Variants in WDR25 observed in about 807,000 individuals in gnomAD.
WDR25 encodes WD repeat-containing protein 25.
A neutral mutation model predicts 47.7 loss-of-function variants in WDR25; 35 were observed. That is an observed-to-expected ratio of 0.73 (90% confidence interval 0.56 to 0.97). The LOEUF is 0.97. Among genes scored for constraint, WDR25 ranks in the 50% least tolerant of loss-of-function variants. The pLI is 0.00. For synonymous variants in WDR25, 248 were observed against 278.9 expected, an observed-to-expected ratio of 0.89 and a Z score of 1.10; for missense variants, 634 against 704.7, an observed-to-expected ratio of 0.90 and a Z score of 1.14.
intron 3 of WDR25, among the ~76,000 whole-genome samples, chr14:100,471,135 G>T (rs1226850055): frequency 2.0e-5 from 3 of 152,144 alleles, no homozygotes; most frequent in African/African-American, 4.8e-5. Context: ...CACAGACAGG[G>T]TCTCTGCTGC....
At chr14:100,420,825 G>T (rs1255892027) in intron 2 of WDR25, among the ~76,000 whole-genome samples, 1 of 152,166 alleles carries the variant, frequency 6.6e-6, no homozygotes, top group Non-Finnish European at 1.5e-5. Context: ...GGGAACAGGA[G>T]ACTTGAGAGA....
chr14:100,398,221 A>G (rs993649669), intron 2 of WDR25, among the ~76,000 whole-genome samples: 5 of 152,334 alleles, frequency 3.3e-5, no homozygotes, highest in South Asian at 4.1e-4. Flanking sequence ...TCCGCCTGAC[A>G]GAGCCTTGCT....
chr14:100,468,216 C>A lies in WDR25; in HGVS notation c.970+48C>A. On this transcript the variant is annotated intron_variant, in intron 3 of 6. Transcript: ENST00000402312. This position sits in a 1 kb window ranked among gnomAD's most constrained non-coding sequence, Gnocchi z 4.5. The stretch of plus-strand genomic sequence containing the variant: ...CTGAGGTGAGCTGGCAGCTCTCTCC[C>A]TGGGGAAGGTTCTCTGGTGGGCACG... The A allele has an allele frequency of 6.3e-7, 1 of 1,583,336 alleles. No homozygotes were observed. The highest frequency in any genetic ancestry group is 8.6e-7 in the Non-Finnish European group (1 of 1,164,356).
chr14:100,441,500 A>C lies in WDR25; in HGVS notation c.823-26521A>C, dbSNP rs530762483. Among the ~76,000 whole-genome samples, 35 of 152,242 alleles carry C rather than the reference A, an allele frequency of 2.3e-4. No homozygotes were observed. In the South Asian group the frequency reaches 6.9e-3, roughly 30 times the overall value. On this transcript the variant is annotated intron_variant, in intron 2 of 6. Coordinates refer to ENST00000402312, the MANE Select transcript of WDR25 (RefSeq NM_001161476.3). The stretch of plus-strand genomic sequence containing the variant: ...GCAGATGCTGGAAGTGGCAGTGCCC[A>C]GAGTGTGTGGGTCTTGGAGTGCCAG...
chr14:100,516,076 T>C (rs1448636808), intron 4 of WDR25, among the ~76,000 whole-genome samples: 2 of 152,162 alleles, frequency 1.3e-5, no homozygotes, highest in African/African-American at 2.4e-5. Context: ...ACATTGTGAA[T>C]TTTACTTTTT....
chr14:100,389,651 A>C lies in WDR25; in HGVS notation c.822+7905A>C, dbSNP rs141637233. Among the ~76,000 whole-genome samples the C allele has an allele frequency of 1.0e-3, 154 of 152,290 alleles. 1 individual carries two copies. Among genetic ancestry groups the C allele is most frequent in the African/African-American group, 3.6e-3 (148 of 41,586 alleles). On this transcript the variant is annotated intron_variant, in intron 2 of 6. Coordinates refer to ENST00000402312, the MANE Select transcript of WDR25 (RefSeq NM_001161476.3). The stretch of plus-strand genomic sequence containing the variant: ...GCCTCCCCTCTGGCAGGCTTCCTGA[A>C]GTTTCCTGAACTTGGCAGAGGACAG...
chr14:100,431,427 T>A (rs573710640), intron 2 of WDR25, among the ~76,000 whole-genome samples: 1 of 152,360 alleles, frequency 6.6e-6, no homozygotes, highest in African/African-American at 2.4e-5. Context: ...AGCCTCCTTC[T>A]TTATATATTC....
chr14:100,524,214 T>C (rs1453622812), intron 4 of WDR25, among the ~76,000 whole-genome samples: 4 of 152,082 alleles, frequency 2.6e-5, no homozygotes, highest in African/African-American at 9.7e-5. Flanking sequence ...TCTTGGCTCC[T>C]GGGCAAGTTG....
At chr14:100,378,330 C>T (rs1412891645) in intron 1 of WDR25, among the ~76,000 whole-genome samples, 1 of 152,048 alleles carries the variant, frequency 6.6e-6, no homozygotes, top group Non-Finnish European at 1.5e-5. Context: ...CCACCACGCC[C>T]GGCTAATTTT....
rs1898315596 is a variant in WDR25, at chr14:100,430,972, A to G, written c.823-37049A>G. 6.6e-6 allele frequency among the ~76,000 whole-genome samples: 1 copy of G among 152,136 alleles called. No homozygotes were observed. On this transcript the variant is annotated intron_variant, in intron 2 of 6. Transcript: ENST00000402312. The surrounding 1 kb of genome is among the most constrained non-coding windows in gnomAD (Gnocchi z 4.7). ...CCTTCTGGCCTCATCGTTGGCTTCT[A>G]TGTGGCCGGCCTTCAGTAGGTGTTT...
intron 2 of WDR25, among the ~76,000 whole-genome samples, chr14:100,413,848 A>G (rs557922409): frequency 6.6e-6 from 1 of 152,352 alleles, no homozygotes; most frequent in South Asian, 2.1e-4. Flanking sequence ...CACTTAACAG[A>G]ATGTTTTTGA....
At chr14:100,444,633 G>T (rs1898774412) in intron 2 of WDR25, among the ~76,000 whole-genome samples, 1 of 152,202 alleles carries the variant, frequency 6.6e-6, no homozygotes, top group Non-Finnish European at 1.5e-5. Flanking sequence ...CAGAAGTTCT[G>T]GGTTGGGCCT....
rs1309056163 is a variant in WDR25, at chr14:100,469,422, G to C, written c.970+1254G>C. On this transcript the variant is annotated intron_variant, in intron 3 of 6. Transcript: ENST00000402312. ...CTAATCCTCACTGCAGCTGCCAGCA[G>C]TGATTATTTCCATTTTAAAGGAGAG... Among the ~76,000 whole-genome samples, 6 of 152,194 alleles carry C rather than the reference G, an allele frequency of 3.9e-5. No homozygotes were observed. In the East Asian group the frequency reaches 9.6e-4, roughly 24 times the overall value.
At chr14:100,503,299 C>A (rs896645934) in intron 4 of WDR25, among the ~76,000 whole-genome samples, 1 of 152,028 alleles carries the variant, frequency 6.6e-6, no homozygotes, top group African/African-American at 2.4e-5. Flanking sequence ...ATCAGTTACA[C>A]CTGAATATAA....
In WDR25 at chr14:100,529,976, C is replaced by T. The variant is rs1235335697; in HGVS notation, c.1570C>T (p.His524Tyr). 1.2e-6 allele frequency: 2 copies of T among 1,613,358 alleles called. No homozygotes were observed. The highest frequency in any genetic ancestry group is 1.7e-6 in the Non-Finnish European group (2 of 1,180,004). Reference sequence around the variant, plus strand: ...ACAGGCCTGTGTCGGCACCACCTATCACCCCGTGCTGCCCTCCGTCCTCGC... The same window carrying T: ...ACAGGCCTGTGTCGGCACCACCTATTACCCCGTGCTGCCCTCCGTCCTCGC... ...HTQACVGTTY[H>Y]PVLPSVLATC... Residue 524 changes from histidine to tyrosine, a missense_variant, in exon 7 of 7, where the codon CAC (histidine) becomes TAC (tyrosine). Physicochemically the swap from His to Tyr is moderately conservative, Grantham distance 83. Transcript: ENST00000402312. This position sits in a 1 kb window ranked among gnomAD's most constrained non-coding sequence, Gnocchi z 5.1.
chr14:100,513,393 C>T (rs1465837274), intron 4 of WDR25, among the ~76,000 whole-genome samples: 1 of 152,208 alleles, frequency 6.6e-6, no homozygotes, highest in Non-Finnish European at 1.5e-5. Flanking sequence ...GGTGCAAGCC[C>T]TCACCAGACA....
chr14:100,379,414 G>T (rs1475089408), intron 1 of WDR25, among the ~76,000 whole-genome samples: 4 of 141,820 alleles, frequency 2.8e-5, no homozygotes, highest in Non-Finnish European at 4.5e-5. Flanking sequence ...TTGAGATGGA[G>T]TCTTGCTCTG....
At position 100,438,191 on chromosome 14, in the gene WDR25, G is replaced by A. The variant is rs1465371072; in HGVS notation, c.823-29830G>A. The stretch of plus-strand genomic sequence containing the variant: ...GTGTAATTTGGAGAAGATTTGCAAA[G>A]ACAGGCACGTAGTGAAATAATTTGA... On this transcript the variant is annotated intron_variant, in intron 2 of 6. Coordinates refer to ENST00000402312, the MANE Select transcript of WDR25 (RefSeq NM_001161476.3). 1.5e-4 allele frequency among the ~76,000 whole-genome samples: 23 copies of A among 152,206 alleles called. 1 individual carries two copies.
At chr14:100,489,329 A>G (rs932857322) in intron 4 of WDR25, among the ~76,000 whole-genome samples, 6 of 152,242 alleles carry the variant, frequency 3.9e-5, no homozygotes, top group African/African-American at 1.4e-4. Flanking sequence ...TGGAAGCTGT[A>G]GAATTGCAGG....
Sources: gnomAD v4.1 joint callset for allele counts (sites outside exome capture counted in the v4.1 genomes callset) on GRCh38, gnomAD v4.1.1 for gene constraint, Gnocchi (gnomAD v3.1) non-coding constraint, MANE v1.5 for transcripts, NCBI Gene and HGNC (gene_info 2026-07-23, HGNC 2026-07-21) for gene names.